SPEG: variants seen among roughly 807,000 people sequenced by gnomAD.
SPEG encodes striated muscle preferentially expressed protein kinase.
SPEG carries 114 observed loss-of-function variants against 300.4 expected under a neutral mutation model. That is an observed-to-expected ratio of 0.38 (90% confidence interval 0.33 to 0.44). The LOEUF (loss-of-function observed/expected upper bound fraction) is 0.44. Among genes scored for constraint, SPEG ranks in the 20% least tolerant of loss-of-function variants. The probability of loss-of-function intolerance (pLI) is 1.00; values close to 1 mark genes in which losing one functional copy is unlikely to be tolerated. For missense variants in SPEG, 4,201 were observed against 4,586.2 expected, an observed-to-expected ratio of 0.92 and a Z score of 2.43; for synonymous variants, 1,964 against 2,018.9, an observed-to-expected ratio of 0.97 and a Z score of 0.73.
At chr2:219,461,087 G>T in intron 6 of SPEG, 1 of 914,704 alleles carries the variant, frequency 1.1e-6, no homozygotes, top group Non-Finnish European at 1.3e-6. Context: ...TCTGTATTTG[G>T]CAGTCGGATA....
Position 219,448,511 on chromosome 2 carries a change from G to C in SPEG, c.1353G>C (p.Gly451=). ...GCGGCGCACCGTGGGGCACCCCCGG[G>C]GCCTCGCAGGAAGAACTGCGGGCGC... ...SERGAPWGTP[G]ASQEELRAPG... The change falls in exon 4 of 41, where the codon GGG becomes GGC. Residue 451 remains glycine, a synonymous_variant. Transcript: ENST00000312358. 1 of 1,450,536 alleles carries C rather than the reference G, an allele frequency of 6.9e-7. No homozygotes were observed. The highest frequency in any genetic ancestry group is 9.0e-7 in the Non-Finnish European group (1 of 1,110,998). 89.9% of individuals were successfully genotyped at this position (1,450,536 alleles called of 1,614,324 possible).
chr2:219,473,509 A>C lies in SPEG; in HGVS notation c.4153A>C (p.Thr1385Pro), dbSNP rs771928180. 5.0e-6 allele frequency: 8 copies of C among 1,613,752 alleles called. No individual in the cohort carries two copies. The African/African-American group carries it at 8.0e-5, about 16-fold the overall frequency. The change falls in exon 17 of 41, where the codon ACC (threonine) becomes CCC (proline). Residue 1385 changes from threonine (T) to proline (P), a missense_variant. Thr to Pro is a conservative substitution (Grantham distance 38). This residue lies in a region of SPEG where 1,047 missense variants were observed against 1,356.8 expected (regional missense o/e 0.77). Coordinates refer to ENST00000312358, the MANE Select transcript of SPEG (RefSeq NM_005876.5). This position sits in a 1 kb window ranked among gnomAD's most constrained non-coding sequence, Gnocchi z 4.6. ...CTGCGCTCTCCTCCTCCCAGGCCCA[A>C]CCCTGGAGGAGGCCCCTGCCATGCT... Reference protein sequence around the residue: ...EPVQLLEHGPTLEEAPAMLDK... With the variant: ...EPVQLLEHGPPLEEAPAMLDK...
At chr2:219,441,549 C>G (rs774969789) in intron 1 of SPEG, 6 of 470,758 alleles carry the variant, frequency 1.3e-5, no homozygotes, top group Non-Finnish European at 2.6e-5. Flanking sequence ...GTGGAATGAG[C>G]AAGTCGAGAT....
chr2:219,476,599 T>C (rs1000994575), intron 18 of SPEG, among the ~76,000 whole-genome samples: 1 of 151,566 alleles, frequency 6.6e-6, no homozygotes, highest in Admixed American at 6.6e-5. Flanking sequence ...ATACAGAAGG[T>C]CAAACAAAGC....
chr2:219,465,673 C>A, intron 9 of SPEG: 1 of 328,002 alleles, frequency 3.0e-6, no homozygotes, highest in Non-Finnish European at 5.6e-6. Flanking sequence ...AGGAACCAGT[C>A]TCTGGCTAGC....
Position 219,484,100 on chromosome 2 carries a change from G to A in SPEG, c.6637G>A (p.Asp2213Asn). ...PQPPAPQPAQ[D>N]KAPEPRPEPV... is the part of the protein sequence containing the mutation. ...GCCCCCCGCACCCCAGCCTGCCCAA[G>A]ACAAGGCTCCAGAGCCCAGGCCAGA... is the stretch of plus-strand genomic sequence containing the variant. Residue 2213 changes from aspartate (D) to asparagine (N), a missense_variant, in exon 30 of 41, where the codon GAC (aspartate) becomes AAC (asparagine). Physicochemically the swap from Asp to Asn is conservative, Grantham distance 23. This residue lies in a region of SPEG where 1,578 missense variants were observed against 1,506.0 expected (regional missense o/e 1.05). Coordinates refer to ENST00000312358, the MANE Select transcript of SPEG (RefSeq NM_005876.5). 1.9e-6 allele frequency: 3 copies of A among 1,613,520 alleles called. No individual in the cohort carries two copies. Among genetic ancestry groups the A allele is most frequent in the Non-Finnish European group, 2.5e-6 (3 of 1,179,928 alleles).
chr2:219,435,091 C>G lies in SPEG; in HGVS notation c.114C>G (p.Ala38=), dbSNP rs1255761250. Residue 38 remains alanine (A), a synonymous_variant, in exon 1 of 41, where the codon GCC becomes GCG. Transcript: ENST00000312358. The stretch of plus-strand genomic sequence containing the variant: ...GGGCCGGCGGCGGGGCTCCTGTGGC[C>G]GTGGCCGGGGCGCCAGTCTTCCTGC... ...KVGAGGGAPV[A]VAGAPVFLRP... is the part of the protein sequence containing the mutation. 4.8e-6 allele frequency: 7 copies of G among 1,462,184 alleles called. 1 individual carries two copies. In the African/African-American group the frequency reaches 8.9e-5, roughly 19 times the overall value. 90.6% of individuals were successfully genotyped at this position (1,462,184 alleles called of 1,614,324 possible). A position where few individuals can be genotyped will look rare whatever the true frequency, so the allele number is the denominator to read the frequency against.
At chr2:219,461,855 C>T in intron 6 of SPEG, 27 bp from the exon 7 acceptor site, 1 of 1,609,170 alleles carries the variant, frequency 6.2e-7, no homozygotes, top group Non-Finnish European at 8.5e-7. Context: ...GCCTTCCTCC[C>T]TGGTAGCTAT....
intron 9 of SPEG, 74 bp from the exon 10 acceptor site, chr2:219,467,096 TGTGC>T: frequency 6.9e-7 from 1 of 1,450,380 alleles, no homozygotes; most frequent in South Asian, 1.3e-5. Context: ...TCTGTCTCTC[TGTGC>T]GTGCGTATGT....
chr2:219,472,071 C>T (rs1691925992), intron 14 of SPEG, 84 bp downstream of exon 14: 1 of 1,562,238 alleles, frequency 6.4e-7, no homozygotes, highest in Non-Finnish European at 8.7e-7. Flanking sequence ...GGGCCTCCAC[C>T]CAGCTCCCTT....
chr2:219,483,651 A>G lies in SPEG; in HGVS notation c.6188A>G (p.Tyr2063Cys), dbSNP rs778849011. 9 of 1,530,010 alleles carry G rather than the reference A, an allele frequency of 5.9e-6. No homozygotes were observed. The Admixed American group carries it at 1.8e-4, about 30-fold the overall frequency. 94.8% of individuals were successfully genotyped at this position (1,530,010 alleles called of 1,614,324 possible). ...CGGGGAGGCCTGGGTGAGGGCGAGT[A>G]TGCCCAGAGGCTGCAGGCCCTGCGC... ...LARGGLGEGE[Y>C]AQRLQALRQR... The change falls in exon 30 of 41, where the codon TAT becomes TGT. Residue 2063 changes from tyrosine to cysteine, a missense_variant. This residue lies in a region of SPEG where 1,578 missense variants were observed against 1,506.0 expected (regional missense o/e 1.05). Coordinates refer to ENST00000312358, the MANE Select transcript of SPEG (RefSeq NM_005876.5).
Position 219,444,973 on chromosome 2 carries a change from G to T in SPEG, c.627G>T (p.Pro209=). Reference sequence around the variant, plus strand: ...GTGGGGGTGGCACCCGCCGCCTCCCGGGCAGCCCAAGGCAAGCACAGGCAA... The same window carrying T: ...GTGGGGGTGGCACCCGCCGCCTCCCTGGCAGCCCAAGGCAAGCACAGGCAA... ...AGSGGGTRRL[P]GSPRQAQATG... Residue 209 remains proline (P), a synonymous_variant, in exon 3 of 41, where the codon CCG becomes CCT. Coordinates refer to ENST00000312358, the MANE Select transcript of SPEG (RefSeq NM_005876.5). The surrounding 1 kb of genome is among the most constrained non-coding windows in gnomAD (Gnocchi z 7.8). 1 of 1,607,308 alleles carries T rather than the reference G, an allele frequency of 6.2e-7. No individual in the cohort carries two copies. The highest frequency in any genetic ancestry group is 8.5e-7 in the Non-Finnish European group (1 of 1,176,796).
At position 219,469,162 on chromosome 2, in the gene SPEG, G is replaced by A; in HGVS notation, c.3498G>A (p.Lys1166=). 1.2e-6 allele frequency: 2 copies of A among 1,613,848 alleles called. No homozygotes were observed. The highest frequency in any genetic ancestry group is 1.7e-6 in the Non-Finnish European group (2 of 1,179,980). ...CAGCTGTGTGGTCTTGCAGCTCGAAGCTGGAGAAGATGCCATCCATTCCCG... is the reference window on the plus strand; with the variant it reads ...CAGCTGTGTGGTCTTGCAGCTCGAAACTGGAGAAGATGCCATCCATTCCCG... ...PRTAASGPSS[K]LEKMPSIPEE... Residue 1166 remains lysine, a synonymous_variant, in exon 13 of 41, where the codon AAG becomes AAA. Transcript: ENST00000312358.
At chr2:219,489,975 G>A in intron 36 of SPEG, 36 bp downstream of exon 36, 1 of 1,527,190 alleles carries the variant, frequency 6.5e-7, no homozygotes, top group Non-Finnish European at 8.8e-7. Context: ...GGACAGAGGG[G>A]AGTGGGCCAA....
intron 34 of SPEG, 68 bp downstream of exon 34, chr2:219,488,968 G>A (rs1693707481): frequency 6.2e-7 from 1 of 1,603,324 alleles, no homozygotes; most frequent in Non-Finnish European, 8.5e-7. Flanking sequence ...GGTAAGGCCA[G>A]TGCCCTCCCA....
In SPEG at chr2:219,462,021, T is replaced by C; in HGVS notation, c.2580T>C (p.Ser860=). 6.2e-7 allele frequency: 1 copy of C among 1,611,786 alleles called. No homozygotes were observed. The highest frequency in any genetic ancestry group is 1.1e-5 in the South Asian group (1 of 90,674). The change falls in exon 7 of 41, where the codon TCT becomes TCC. Residue 860 remains serine (S), a synonymous_variant. Transcript: ENST00000312358. ...MKPSPSQNRR[S]SDTGSKAPPT... ...CCAGTCCCAGCCAGAACCGCCGTTCTTCTGACACTGGCTCCAAGGCACCCC... is the reference window on the plus strand; with the variant it reads ...CCAGTCCCAGCCAGAACCGCCGTTCCTCTGACACTGGCTCCAAGGCACCCC...
Position 219,484,958 on chromosome 2 carries a change from G to T in SPEG, c.7495G>T (p.Glu2499Ter). Reference protein sequence around the residue: ...GRLRRATSEGESLRRLGLPHN... With the variant: ...GRLRRATSEG ...GCTTCGCAGGGCCACGTCCGAGGGC[G>T]AGAGTCTGCGGCGCCTTGGCCTTCC... The change falls in exon 30 of 41, where the codon GAG becomes TAG. Residue 2499 changes from glutamate (E) to a stop codon, truncating the protein, a stop_gained. Transcript: ENST00000312358. LOFTEE classifies it high-confidence loss of function. The T allele has an allele frequency of 6.5e-7, 1 of 1,529,468 alleles. No individual in the cohort carries two copies. 94.7% of individuals were successfully genotyped at this position (1,529,468 alleles called of 1,614,324 possible).
In SPEG at chr2:219,444,649, C is replaced by G; in HGVS notation, c.389-4C>G. 6.2e-7 allele frequency: 1 copy of G among 1,613,736 alleles called. No individual in the cohort carries two copies. Among genetic ancestry groups the G allele is most frequent in the Non-Finnish European group, 8.5e-7 (1 of 1,179,724 alleles). On this transcript the variant is annotated splice_region_variant and splice_polypyrimidine_tract_variant and intron_variant, in intron 1 of 40. Transcript: ENST00000312358. The surrounding 1 kb of genome is among the most constrained non-coding windows in gnomAD (Gnocchi z 7.8). The stretch of plus-strand genomic sequence containing the variant: ...CCTGCCCACACAGACCCCTTCTTCT[C>G]CAGACTCAGAGACGGCTGAGGATGA...
rs527576204 is a variant in SPEG, at chr2:219,459,147, G to C, written c.2441-2735G>C. Among the ~76,000 whole-genome samples the C allele has an allele frequency of 3.0e-4, 45 of 152,366 alleles. No individual in the cohort carries two copies. Among genetic ancestry groups the C allele is most frequent in the African/African-American group, 1.1e-3 (44 of 41,584 alleles). ...AAGGGCAGACATGAGCATGGGGTCA[G>C]CGTGGGGGATTGGGAGCCAGTGTGA... On this transcript the variant is annotated intron_variant, in intron 6 of 40. Coordinates refer to ENST00000312358, the MANE Select transcript of SPEG (RefSeq NM_005876.5). The surrounding 1 kb of genome is among the most constrained non-coding windows in gnomAD (Gnocchi z 4.9).
Sources: allele counts gnomAD v4.1 joint callset (sites outside exome capture counted in the v4.1 genomes callset), GRCh38; gene constraint gnomAD v4.1.1; regional missense constraint gnomAD v4.1.1; non-coding constraint Gnocchi (gnomAD v3.1); transcripts MANE v1.5; gene names NCBI Gene and HGNC (gene_info 2026-07-23, HGNC 2026-07-21).